The following ARAP3 variants were observed in gnomAD, a reference collection of about 807,000 sequenced individuals.
The protein encoded by ARAP3 is arf-GAP with Rho-GAP domain, ANK repeat and PH domain-containing protein 3.
Under a neutral mutation model 169.2 loss-of-function variants are expected in ARAP3, and 82 were observed. That is an observed-to-expected ratio of 0.48 (90% CI 0.41 to 0.58). ARAP3 has a LOEUF of 0.58. Ranked by LOEUF, ARAP3 falls within the 20% of genes least tolerant of loss-of-function variation. The pLI, the probability that ARAP3 is intolerant of heterozygous loss-of-function variation, is 0.00. For synonymous variants in ARAP3, 791 were observed against 800.3 expected, an observed-to-expected ratio of 0.99 and a Z score of 0.20; for missense variants, 1,764 against 2,018.0, an observed-to-expected ratio of 0.87 and a Z score of 2.41.
Position 141,672,959 on chromosome 5 carries a change from T to C in ARAP3, c.1094-34A>G. On this transcript the variant is annotated intron_variant, in intron 7 of 32. Transcript: ENST00000239440. This position sits in a 1 kb window ranked among gnomAD's most constrained non-coding sequence, Gnocchi z 4.9. ...GATGGAGAAGCAGGTCAGTGGCTGT[T>C]GCTCACACAGCCTCCCTCCCTCCTG... 6.2e-7 allele frequency: 1 copy of C among 1,612,536 alleles called. No homozygotes were observed. The highest frequency in any genetic ancestry group is 1.3e-5 in the African/African-American group (1 of 74,972).
chr5:141,655,992 A>C, intron 29 of ARAP3, 60 bp from the exon 30 acceptor site: 1 of 1,613,782 alleles, frequency 6.2e-7, no homozygotes, highest in Non-Finnish European at 8.5e-7. Flanking sequence ...GGAATGGAGC[A>C]TACAAAGAGG....
chr5:141,656,340 C>T (rs2099909269), intron 27 of ARAP3, 64 bp from the exon 28 acceptor site: 10 of 1,606,990 alleles, frequency 6.2e-6, no homozygotes, highest in South Asian at 2.2e-5. Context: ...GAGGTCAAGA[C>T]GTCATGGAAG....
intron 5 of ARAP3, 57 bp downstream of exon 5, chr5:141,673,548 C>CCG: frequency 6.2e-7 from 1 of 1,612,562 alleles, no homozygotes; most frequent in Non-Finnish European, 8.5e-7. Flanking sequence ...GGGCACTTTC[C>CCG]CGCGCAACCA....
At chr5:141,665,125 G>C in intron 18 of ARAP3, 40 bp from the exon 19 acceptor site, 1 of 1,586,030 alleles carries the variant, frequency 6.3e-7, no homozygotes, top group South Asian at 1.1e-5. Context: ...AGCTCCGACA[G>C]GCCCAGATGC....
At chr5:141,661,392 G>A (rs1164868083) in intron 21 of ARAP3, among the ~76,000 whole-genome samples, 9 of 152,106 alleles carry the variant, frequency 5.9e-5, no homozygotes, top group African/African-American at 2.2e-4. Flanking sequence ...TAAACTATGA[G>A]GTGGATATGA....
rs1366520525 is a variant in ARAP3, at chr5:141,654,343, G to A, written c.4242C>T (p.Phe1414=). 6.2e-7 allele frequency: 1 copy of A among 1,613,972 alleles called. No individual in the cohort carries two copies. The highest frequency in any genetic ancestry group is 8.5e-7 in the Non-Finnish European group (1 of 1,180,000). ...TAGAAGTGTCCTGGATCAACTCAGG[G>A]AAGGCCCCTACTTCCTCATACACTG... ...EEPVYEEVGA[F]PELIQDTSTS... is the part of the protein sequence containing the mutation. Residue 1414 remains phenylalanine (F), a synonymous_variant, in exon 33 of 33, where the codon TTC becomes TTT. Transcript: ENST00000239440.
Position 141,653,809 on chromosome 5 carries a change from G to T in ARAP3, c.*141C>A. On this transcript the variant is annotated 3_prime_UTR_variant, in exon 33 of 33. Transcript: ENST00000239440. ...TGTCCTGGGACACGCAGCCACTGAA[G>T]CCTTTAGTCCAGTGCTCCTTCCACA... The T allele has an allele frequency of 8.2e-7, 1 of 1,223,998 alleles. No individual in the cohort carries two copies. 75.8% of individuals were successfully genotyped at this position (1,223,998 alleles called of 1,614,324 possible). A position where few individuals can be genotyped will look rare whatever the true frequency, so the allele number is the denominator to read the frequency against.
rs769995554 is a variant in ARAP3 at position 141,654,198 on chromosome 5, G to T, written c.4387C>A (p.Pro1463Thr). The change falls in exon 33 of 33, where the codon CCT becomes ACT. Residue 1463 changes from proline (P) to threonine (T), a missense_variant. Pro to Thr is a conservative substitution (Grantham distance 38). Around this residue, in one of 3 missense-constraint regions of ARAP3, gnomAD observed 1,112 missense variants for 1,285.7 expected, o/e 0.86. Transcript: ENST00000239440. ...SSTLGQEERP[P>T]EPPPGPPSKS... ...GAAGGGGGGCCTGGAGGGGGCTCAG[G>T]TGGCCTCTCCTCCTGGCCAAGGGTG... The T allele has an allele frequency of 6.2e-7, 1 of 1,614,106 alleles. No individual in the cohort carries two copies. Among genetic ancestry groups the T allele is most frequent in the African/African-American group, 1.3e-5 (1 of 75,026 alleles).
chr5:141,656,893 C>G, intron 25 of ARAP3, 47 bp from the exon 26 acceptor site: 1 of 1,579,498 alleles, frequency 6.3e-7, no homozygotes, highest in Non-Finnish European at 8.6e-7. Context: ...AATATCCATA[C>G]TAAGCCCCCA....
intron 19 of ARAP3, among the ~76,000 whole-genome samples, chr5:141,664,706 G>A (rs901882923): frequency 6.6e-6 from 1 of 152,134 alleles, no homozygotes; most frequent in Admixed American, 6.5e-5. Flanking sequence ...AATGAGGACC[G>A]TTGGCCCCAT....
chr5:141,681,362 C>A (rs149084177), intron 1 of ARAP3, among the ~76,000 whole-genome samples: 3 of 152,088 alleles, frequency 2.0e-5, no homozygotes, highest in East Asian at 1.9e-4. Context: ...GAAATGCCAT[C>A]CCCCCACCTC....
chr5:141,654,218 AG>A lies in ARAP3; in HGVS notation c.4366del (p.Gly1457AlafsTer25). The A allele has an allele frequency of 1.9e-6, 3 of 1,614,130 alleles. No homozygotes were observed. The highest frequency in any genetic ancestry group is 2.5e-6 in the Non-Finnish European group (3 of 1,179,998). On this transcript the variant is annotated frameshift_variant, in exon 33 of 33. Coordinates refer to ENST00000239440, the MANE Select transcript of ARAP3 (RefSeq NM_022481.6). LOFTEE classifies it high-confidence loss of function. ...CTCAGGTGGCCTCTCCTCCTGGCCA[AG>A]GGTGCTTGACTTGGAGAGAAAGGGT... ...DQPFLSKSST[L>X]GQEERPPEPP...
chr5:141,679,879 T>C (rs2099912739), intron 2 of ARAP3, 57 bp from the exon 3 acceptor site: 11 of 1,610,870 alleles, frequency 6.8e-6, no homozygotes, highest in Non-Finnish European at 9.3e-6. Context: ...CAAGCCTTCA[T>C]GCCCTGCTCC....
Position 141,680,519 on chromosome 5 carries a change from G to T in ARAP3, c.-17-16C>A. On this transcript the variant is annotated splice_polypyrimidine_tract_variant and intron_variant, in intron 1 of 32. Coordinates refer to ENST00000239440, the MANE Select transcript of ARAP3 (RefSeq NM_022481.6). ...CAGGCCATTGCTGGGGGGAGGGGCA[G>T]GGTGAAGGGAGGGCTCAGGCTGAGA... The T allele has an allele frequency of 6.4e-7, 1 of 1,556,386 alleles. No individual in the cohort carries two copies. Among genetic ancestry groups the T allele is most frequent in the South Asian group, 1.2e-5 (1 of 84,710 alleles).
At chr5:141,655,104 CTCTG>C (rs2099909045) in intron 32 of ARAP3, among the ~76,000 whole-genome samples, 1 of 151,744 alleles carries the variant, frequency 6.6e-6, no homozygotes, top group Non-Finnish European at 1.5e-5. Flanking sequence ...TCCTCTCTCT[CTCTG>C]TCCTGTCCCT....
At chr5:141,669,570 G>A (rs2099911156) in intron 16 of ARAP3, 139 bp downstream of exon 16, 2 of 769,432 alleles carry the variant, frequency 2.6e-6, no homozygotes, top group Non-Finnish European at 4.3e-6. Flanking sequence ...GCTTAACACA[G>A]GGCCTGGCAC....
intron 14 of ARAP3, among the ~76,000 whole-genome samples, 196 bp downstream of exon 14, chr5:141,670,315 CT>C (rs1450997972): frequency 6.6e-6 from 1 of 152,142 alleles, no homozygotes; most frequent in Non-Finnish European, 1.5e-5. Context: ...GACAGTCTGA[CT>C]TCAGAACAGA....
chr5:141,656,389 G>A (rs2099909278), intron 27 of ARAP3, 113 bp from the exon 28 acceptor site: 2 of 1,590,004 alleles, frequency 1.3e-6, no homozygotes, highest in Non-Finnish European at 1.7e-6. Flanking sequence ...GAAGTCGGGG[G>A]CAGGGAAGCA....
chr5:141,680,158 G>A lies in ARAP3; in HGVS notation c.329C>T (p.Thr110Ile). ...TGGGCTCAGCCCAGGTCTCTGAGTGGTGGCAGGGCCACTGAGTCCACCAAA... is the reference window on the plus strand; with the variant it reads ...TGGGCTCAGCCCAGGTCTCTGAGTGATGGCAGGGCCACTGAGTCCACCAAA... ...TVFGGLSGPA[T>I]TQRPGLSPAL... Residue 110 changes from threonine to isoleucine, a missense_variant, in exon 2 of 33, where the codon ACC becomes ATC. Physicochemically the swap from Thr to Ile is moderately conservative, Grantham distance 89 (BLOSUM62 -1). This residue lies in a region of ARAP3 where 630 missense variants were observed against 678.7 expected (regional missense o/e 0.93). Transcript: ENST00000239440. 1 of 1,607,792 alleles carries A rather than the reference G, an allele frequency of 6.2e-7. No individual in the cohort carries two copies. Among genetic ancestry groups the A allele is most frequent in the Non-Finnish European group, 8.5e-7 (1 of 1,175,752 alleles).
Sources: allele counts gnomAD v4.1 joint callset (sites outside exome capture counted in the v4.1 genomes callset), GRCh38; gene constraint gnomAD v4.1.1; regional missense constraint gnomAD v4.1.1; non-coding constraint Gnocchi (gnomAD v3.1); transcripts MANE v1.5; gene names NCBI Gene and HGNC (gene_info 2026-07-23, HGNC 2026-07-21).